Variants in TTC9B observed in about 807,000 individuals in gnomAD.
TTC9B encodes tetratricopeptide repeat domain 9B.
Under a neutral mutation model 19.4 loss-of-function variants are expected in TTC9B, and 12 were observed. The ratio of observed to expected loss-of-function variants is 0.62; its 90% CI spans 0.40 to 1.00. The LOEUF is 1.00. Ranked by LOEUF, TTC9B falls within the 50% of genes least tolerant of loss-of-function variation. TTC9B has a pLI of 0.00. For missense variants in TTC9B, 316 were observed against 345.2 expected, an observed-to-expected ratio of 0.92 and a Z score of 0.67; for synonymous variants, 156 against 158.6, an observed-to-expected ratio of 0.98 and a Z score of 0.12.
intron 2 of TTC9B, chr19:40,216,596 C>T: frequency 2.6e-6 from 1 of 388,548 alleles, no homozygotes; most frequent in Non-Finnish European, 4.8e-6. Flanking sequence ...AAACTAATCT[C>T]GTCTCGGCTC....
chr19:40,216,269 G>C lies in TTC9B; in HGVS notation c.614C>G (p.Thr205Ser). The change falls in exon 3 of 3, where the codon ACC (threonine) becomes AGC (serine). Residue 205 changes from threonine to serine, a missense_variant. Physicochemically the swap from Thr to Ser is moderately conservative, Grantham distance 58. Transcript: ENST00000311308. The stretch of plus-strand genomic sequence containing the variant: ...CAGCTGGATGTAGCGGAGCACATTG[G>C]TGTCTGCAGGGGAGGTGGGCAGGGC... ...QEARSREPTD[T>S]NVLRYIQLTQ... 1 of 1,613,742 alleles carries C rather than the reference G, an allele frequency of 6.2e-7. No individual in the cohort carries two copies. Among genetic ancestry groups the C allele is most frequent in the Middle Eastern group, 1.7e-4 (1 of 5,972 alleles).
Position 40,217,332 on chromosome 19 carries a change from G to T in TTC9B, c.465C>A (p.Arg155=). Residue 155 remains arginine (R), a synonymous_variant, in exon 2 of 3, where the codon CGC becomes CGA. Transcript: ENST00000311308. ...GTACCTTGAGACAGTACTCGCGCAC[G>T]CGCTCGTAGTTTACCAGCTCCGACT... ...LLQSELVNYE[R]VREYCLKVLE... 1 of 1,613,822 alleles carries T rather than the reference G, an allele frequency of 6.2e-7. No individual in the cohort carries two copies. Among genetic ancestry groups the T allele is most frequent in the Non-Finnish European group, 8.5e-7 (1 of 1,179,886 alleles).
At chr19:40,217,484 G>A (rs939153285) in intron 1 of TTC9B, 115 bp from the exon 2 acceptor site, 13 of 1,294,264 alleles carry the variant, frequency 1.0e-5, no homozygotes, top group Admixed American at 2.8e-5. Flanking sequence ...GGATTGCTCC[G>A]GCAACCAGGG....
intron 1 of TTC9B, 30 bp downstream of exon 1, chr19:40,217,925 G>GGCCCCCC: frequency 2.3e-6 from 3 of 1,285,384 alleles, no homozygotes; most frequent in Non-Finnish European, 3.0e-6. Flanking sequence ...CTCCCCTCGT[G>GGCCCCCC]CCCCATCCCC....
chr19:40,216,795 A>C, intron 2 of TTC9B: 1 of 353,448 alleles, frequency 2.8e-6, no homozygotes, highest in Non-Finnish European at 5.3e-6. Flanking sequence ...GTGAATGAAT[A>C]GGTGTGCGTG....
At chr19:40,217,922 C>A in intron 1 of TTC9B, 33 bp downstream of exon 1, 1 of 1,304,554 alleles carries the variant, frequency 7.7e-7, no homozygotes, top group Non-Finnish European at 1.0e-6. Flanking sequence ...CCCCTCCCCT[C>A]GTGCCCCATC....
At position 40,216,292 on chromosome 19, in the gene TTC9B, G is replaced by A. The variant is rs1422268667; in HGVS notation, c.611-20C>T. The A allele has an allele frequency of 6.2e-7, 1 of 1,602,642 alleles. No homozygotes were observed. Among genetic ancestry groups the A allele is most frequent in the African/African-American group, 1.3e-5 (1 of 74,794 alleles). ...TGGTGTCTGCAGGGGAGGTGGGCAGGGCATCATCTGGGTGTCCCGGGGCAG... is the reference window on the plus strand; with the variant it reads ...TGGTGTCTGCAGGGGAGGTGGGCAGAGCATCATCTGGGTGTCCCGGGGCAG... On this transcript the variant is annotated intron_variant, in intron 2 of 2. Transcript: ENST00000311308.
rs762319672 is a variant in TTC9B at position 40,217,184 on chromosome 19, C to A, written c.610+3G>T. The A allele has an allele frequency of 3.1e-6, 5 of 1,610,662 alleles. No individual in the cohort carries two copies. In the South Asian group the frequency reaches 5.5e-5, roughly 18 times the overall value. Reference sequence around the variant, plus strand: ...CTCACCTCTGCCCCGCCCCGCCACTCACCTGTGGGTTCCCGGCTGCGGGCC... The same window carrying A: ...CTCACCTCTGCCCCGCCCCGCCACTAACCTGTGGGTTCCCGGCTGCGGGCC... On this transcript the variant is annotated splice_donor_region_variant and intron_variant, in intron 2 of 2. Transcript: ENST00000311308.
chr19:40,218,330 G>A lies in TTC9B; in HGVS notation c.52C>T (p.Pro18Ser), dbSNP rs567947170. 1 of 1,360,898 alleles carries A rather than the reference G, an allele frequency of 7.3e-7. No homozygotes were observed. Among genetic ancestry groups the A allele is most frequent in the Non-Finnish European group, 9.4e-7 (1 of 1,065,470 alleles). 84.3% of individuals were successfully genotyped at this position (1,360,898 alleles called of 1,614,324 possible). A position where few individuals can be genotyped will look rare whatever the true frequency, so the allele number is the denominator to read the frequency against. The change falls in exon 1 of 3, where the codon CCT becomes TCT. Residue 18 changes from proline (P) to serine (S), a missense_variant. By Grantham distance (74) the Pro-to-Ser change is moderately conservative. Coordinates refer to ENST00000311308, the MANE Select transcript of TTC9B (RefSeq NM_152479.6). The surrounding 1 kb of genome is among the most constrained non-coding windows in gnomAD (Gnocchi z 4.2). ...AGGGCGGGAGGCGGGCGCGGCGGAG[G>A]CTCCGGGGCAGCGCTGAGCATCAGC... ...PVLMLSAAPE[P>S]PPRPPPALSP...
intron 1 of TTC9B, chr19:40,217,739 G>A: frequency 3.7e-6 from 2 of 533,552 alleles, no homozygotes; most frequent in South Asian, 3.1e-5. Context: ...CTGAATACCC[G>A]ACCCAAAGAC....
chr19:40,217,070 G>T (rs1306939719), intron 2 of TTC9B, 117 bp downstream of exon 2: 3 of 1,209,148 alleles, frequency 2.5e-6, no homozygotes, highest in East Asian at 5.1e-5. Flanking sequence ...CCTAGAAGCA[G>T]CTCCGCGGGA....
At chr19:40,217,134 C>G in intron 2 of TTC9B, 53 bp downstream of exon 2, 1 of 1,557,114 alleles carries the variant, frequency 6.4e-7, no homozygotes. Flanking sequence ...CCGCTGCAGC[C>G]CCTTTCCCCG....
chr19:40,216,782 G>A, intron 2 of TTC9B: 1 of 348,374 alleles, frequency 2.9e-6, no homozygotes, highest in Non-Finnish European at 5.4e-6. Flanking sequence ...GATGGTGCAG[G>A]AAGTGAATGA....
chr19:40,217,086 G>T, intron 2 of TTC9B, 101 bp downstream of exon 2: 1 of 1,322,450 alleles, frequency 7.6e-7, no homozygotes, highest in Non-Finnish European at 1.0e-6. Context: ...CGGGAGGAGG[G>T]CTCTGCTATT....
At position 40,217,944 on chromosome 19, in the gene TTC9B, C is replaced by G; in HGVS notation, c.427+11G>C. The G allele has an allele frequency of 6.7e-7, 1 of 1,482,996 alleles. No homozygotes were observed. The highest frequency in any genetic ancestry group is 2.3e-5 in the Admixed American group (1 of 43,498). 91.9% of individuals were successfully genotyped at this position (1,482,996 alleles called of 1,614,324 possible). A position where few individuals can be genotyped will look rare whatever the true frequency, so the allele number is the denominator to read the frequency against. ...CCTCGTGCCCCATCCCCCCACCCCC[C>G]GACGGCGTACCCGTGAGGGAGTCGT... On this transcript the variant is annotated intron_variant, in intron 1 of 2. Coordinates refer to ENST00000311308, the MANE Select transcript of TTC9B (RefSeq NM_152479.6).
At chr19:40,217,417 A>G in intron 1 of TTC9B, 48 bp from the exon 2 acceptor site, 1 of 1,583,924 alleles carries the variant, frequency 6.3e-7, no homozygotes, top group Non-Finnish European at 8.6e-7. Context: ...TGGCACCCCC[A>G]GAACCCACCT....
At position 40,218,070 on chromosome 19, in the gene TTC9B, G is replaced by T; in HGVS notation, c.312C>A (p.Ser104Arg). Reference protein sequence around the residue: ...QLKAAQGARPSGLPAPAPGPT... With the variant: ...QLKAAQGARPRGLPAPAPGPT... The stretch of plus-strand genomic sequence containing the variant: ...GCCCGGGGGCGGGGGCGGGCAGGCC[G>T]CTAGGGCGGGCCCCCTGCGCCGCCT... The change falls in exon 1 of 3, where the codon AGC becomes AGA. Residue 104 changes from serine (S) to arginine (R), a missense_variant. Physicochemically the swap from Ser to Arg is moderately radical, Grantham distance 110. Transcript: ENST00000311308. This position sits in a 1 kb window ranked among gnomAD's most constrained non-coding sequence, Gnocchi z 4.2. 6.5e-7 allele frequency: 1 copy of T among 1,538,182 alleles called. No homozygotes were observed. Among genetic ancestry groups the T allele is most frequent in the African/African-American group, 1.4e-5 (1 of 70,008 alleles).
intron 1 of TTC9B, chr19:40,217,680 T>C: frequency 2.0e-6 from 1 of 508,738 alleles, no homozygotes; most frequent in Non-Finnish European, 3.4e-6. Flanking sequence ...TCACCTTGGG[T>C]CCACGTGCGG....
In TTC9B at chr19:40,216,154, G is replaced by A. The variant is rs1568497644; in HGVS notation, c.*9C>T. The A allele has an allele frequency of 1.2e-6, 2 of 1,609,112 alleles. No homozygotes were observed. Among genetic ancestry groups the A allele is most frequent in the Non-Finnish European group, 1.7e-6 (2 of 1,175,448 alleles). On this transcript the variant is annotated 3_prime_UTR_variant, in exon 3 of 3. Transcript: ENST00000311308. Reference sequence around the variant, plus strand: ...GGGCGAGGGATAGAGAGGTCCCCCTGGATTGGCCTCAGCCAATTACATCCC... The same window carrying A: ...GGGCGAGGGATAGAGAGGTCCCCCTAGATTGGCCTCAGCCAATTACATCCC...
Sources: allele counts gnomAD v4.1 joint callset, GRCh38; gene constraint gnomAD v4.1.1; non-coding constraint Gnocchi (gnomAD v3.1); transcripts MANE v1.5; gene names NCBI Gene and HGNC (gene_info 2026-07-23, HGNC 2026-07-21).